Variants in COG6 observed in about 807,000 individuals in gnomAD.
COG6 encodes conserved oligomeric Golgi complex subunit 6.
In COG6, 74 loss-of-function variants were observed where a neutral mutation model predicts 88.8. The observed-to-expected ratio is 0.83, with a 90% CI of 0.69 to 1.01. The LOEUF is 1.01. Among genes scored for constraint, COG6 ranks in the 50% least tolerant of loss-of-function variants. The pLI is 0.00. For missense variants in COG6, 800 were observed against 797.9 expected (o/e 1.00, Z -0.03); for synonymous variants, 286 against 278.7 (o/e 1.03, Z -0.26).
intron 10 of COG6, among the ~76,000 whole-genome samples, chr13:39,688,385 G>A (rs1876788881): frequency 6.6e-6 from 1 of 152,166 alleles, no homozygotes; most frequent in Non-Finnish European, 1.5e-5. Flanking sequence ...GAGGAAGCAT[G>A]ATGCCAACAT....
intron 1 of COG6, among the ~76,000 whole-genome samples, chr13:39,657,228 T>C (rs547290950): frequency 6.6e-6 from 1 of 152,278 alleles, no homozygotes; most frequent in South Asian, 2.1e-4. Flanking sequence ...ACGGGGTTTC[T>C]CCATGTTGGT....
At chr13:39,725,642 A>T (rs1005638274) in intron 17 of COG6, among the ~76,000 whole-genome samples, 1 of 151,480 alleles carries the variant, frequency 6.6e-6, no homozygotes, top group Non-Finnish European at 1.5e-5. Flanking sequence ...AAGAAACATT[A>T]TGTCGTGATA....
At chr13:39,748,003 G>T (rs1880430357) in intron 18 of COG6, among the ~76,000 whole-genome samples, 1 of 151,846 alleles carries the variant, frequency 6.6e-6, no homozygotes, top group Admixed American at 6.6e-5. Context: ...CCTTATTTTT[G>T]TGTACTCCTT....
At chr13:39,761,391 A>G (rs995886782) in intron 18 of COG6, among the ~76,000 whole-genome samples, 6 of 152,064 alleles carry the variant, frequency 3.9e-5, no homozygotes, top group Non-Finnish European at 2.9e-5. Context: ...CCCCTAATGG[A>G]TAAAAGACTT....
chr13:39,760,526 A>T (rs1880978350), intron 18 of COG6, among the ~76,000 whole-genome samples: 1 of 152,202 alleles, frequency 6.6e-6, no homozygotes, highest in South Asian at 2.1e-4. Context: ...CCCTGCCTTT[A>T]TTCTAAATCT....
chr13:39,706,375 G>A (rs974525449), intron 13 of COG6, among the ~76,000 whole-genome samples: 10 of 149,420 alleles, frequency 6.7e-5, no homozygotes, highest in Non-Finnish European at 1.3e-4. Flanking sequence ...GCAAATGGGC[G>A]AAGGGCCTTC....
chr13:39,787,136 A>G (rs1332722616), intron 18 of COG6, among the ~76,000 whole-genome samples: 1 of 152,128 alleles, frequency 6.6e-6, no homozygotes, highest in Non-Finnish European at 1.5e-5. Context: ...GCTGTGAACT[A>G]TAATGAGCAG....
In COG6 at chr13:39,751,750, AGG is replaced by A; in HGVS notation, c.*658_*659del. The A allele has an allele frequency of 7.8e-7, 1 of 1,287,026 alleles. No individual in the cohort carries two copies. The highest frequency in any genetic ancestry group is 1.0e-6 in the Non-Finnish European group (1 of 988,534). 79.7% of individuals were successfully genotyped at this position (1,287,026 alleles called of 1,614,324 possible). On this transcript the variant is annotated 3_prime_UTR_variant, in exon 19 of 19. Transcript: ENST00000455146. The stretch of plus-strand genomic sequence containing the variant: ...TACACTCAGCAATAATTAGAAAAAA[AGG>A]AGAGAGAAAAGTGATTTAAACAGGG...
chr13:39,655,640 G>A (rs778498238), upstream of COG6: 2 of 1,467,086 alleles, frequency 1.4e-6, no homozygotes, highest in East Asian at 2.5e-5. Flanking sequence ...GCGCATGCGC[G>A]GCCGATTTGC....
intron 18 of COG6, among the ~76,000 whole-genome samples, chr13:39,737,486 A>G (rs1423168990): frequency 1.3e-5 from 2 of 150,030 alleles, no homozygotes; most frequent in African/African-American, 2.5e-5. Flanking sequence ...TTAGGAATCT[A>G]TTATATGTGG....
At chr13:39,672,762 G>A (rs1237749979) in intron 4 of COG6, among the ~76,000 whole-genome samples, 1 of 151,982 alleles carries the variant, frequency 6.6e-6, no homozygotes, top group Non-Finnish European at 1.5e-5. Flanking sequence ...TATATATTTA[G>A]GGGTAGAATT....
At chr13:39,783,905 T>C (rs1881701193) in intron 18 of COG6, among the ~76,000 whole-genome samples, 1 of 152,132 alleles carries the variant, frequency 6.6e-6, no homozygotes, top group East Asian at 1.9e-4. Flanking sequence ...CTGATAAACA[T>C]ATAACCTGAA....
chr13:39,721,256 C>T (rs1035514211), intron 15 of COG6, among the ~76,000 whole-genome samples: 1 of 152,040 alleles, frequency 6.6e-6, no homozygotes, highest in African/African-American at 2.4e-5. Flanking sequence ...AAAAATTCTT[C>T]TTGGTCTATG....
At chr13:39,686,484 CT>C (rs1292546601) in intron 8 of COG6, among the ~76,000 whole-genome samples, 1 of 152,162 alleles carries the variant, frequency 6.6e-6, no homozygotes, top group Admixed American at 6.5e-5. Flanking sequence ...CTTAGAAAGC[CT>C]TTCCATGCCT....
chr13:39,670,053 C>G (rs1441580812), intron 4 of COG6, among the ~76,000 whole-genome samples: 1 of 151,946 alleles, frequency 6.6e-6, no homozygotes, highest in African/African-American at 2.4e-5. Flanking sequence ...TAATACGATA[C>G]TTTTATTCAG....
chr13:39,692,809 T>C (rs937140576), intron 11 of COG6, among the ~76,000 whole-genome samples: 26 of 152,042 alleles, frequency 1.7e-4, no homozygotes, highest in African/African-American at 6.3e-4. Flanking sequence ...CTTCTCGTAA[T>C]GCAGTTAGGA....
At chr13:39,659,272 CA>C in intron 1 of COG6, 91 bp from the exon 2 acceptor site, 1 of 1,231,894 alleles carries the variant, frequency 8.1e-7, no homozygotes, top group Non-Finnish European at 1.2e-6. Flanking sequence ...GAAAATAAAT[CA>C]TTTGAAAATG....
At chr13:39,727,439 T>G (rs763858360) in intron 17 of COG6, 30 bp from the exon 18 acceptor site, 450 of 1,528,230 alleles carry the variant, frequency 2.9e-4, no homozygotes, top group Non-Finnish European at 3.7e-4. Context: ...TATATGTACT[T>G]TATATTTTGT....
At chr13:39,666,652 A>T (rs915982722) in intron 4 of COG6, among the ~76,000 whole-genome samples, 1 of 152,100 alleles carries the variant, frequency 6.6e-6, no homozygotes, top group Non-Finnish European at 1.5e-5. Context: ...AGATTGATGA[A>T]TGGGAAATTA....
Sources: gnomAD v4.1 joint callset for allele counts (sites outside exome capture counted in the v4.1 genomes callset) on GRCh38, gnomAD v4.1.1 for gene constraint, MANE v1.5 for transcripts, NCBI Gene and HGNC (gene_info 2026-07-23, HGNC 2026-07-21) for gene names.